The following TFDP2 variants were observed in gnomAD, a reference collection of about 807,000 sequenced individuals.
TFDP2 encodes the protein transcription factor Dp-2, also known as transcription factor Dp-2 (E2F dimerization partner 2).
A neutral mutation model predicts 59.3 loss-of-function variants in TFDP2; 17 were observed. The ratio of observed to expected loss-of-function variants is 0.29; its 90% CI spans 0.20 to 0.43. The LOEUF (loss-of-function observed/expected upper bound fraction) is 0.43. Among genes scored for constraint, TFDP2 ranks in the 20% least tolerant of loss-of-function variants. The pLI is 1.00. For missense variants in TFDP2, 391 were observed against 528.8 expected (o/e 0.74, Z 2.56); for synonymous variants, 180 against 194.7 (o/e 0.92, Z 0.63).
rs369832146 is a variant in TFDP2 at position 142,107,588 on chromosome 3, A to G, written c.-92-5747T>C. On this transcript the variant is annotated intron_variant, in intron 1 of 12. Coordinates refer to ENST00000489671, the MANE Select transcript of TFDP2 (RefSeq NM_001178139.2). ...TGTAACTTTTTCTTACGTGAGCAGCATATCTAGGCATTCTCTCAAGTGCTT... is the reference window on the plus strand; with the variant it reads ...TGTAACTTTTTCTTACGTGAGCAGCGTATCTAGGCATTCTCTCAAGTGCTT... 1.3e-4 allele frequency among the ~76,000 whole-genome samples: 20 copies of G among 152,284 alleles called. No individual in the cohort carries two copies. The East Asian group carries it at 1.3e-3, about 10-fold the overall frequency.
intron 3 of TFDP2, among the ~76,000 whole-genome samples, chr3:142,070,355 T>G (rs1404095284): frequency 6.6e-6 from 1 of 151,676 alleles, no homozygotes; most frequent in Non-Finnish European, 1.5e-5. Context: ...GCTGGCTCAC[T>G]GCAGCCTAAA....
chr3:142,030,334 T>C (rs1946362316), intron 3 of TFDP2, among the ~76,000 whole-genome samples: 1 of 152,208 alleles, frequency 6.6e-6, no homozygotes, highest in Admixed American at 6.5e-5. Context: ...GAGGTCAGTA[T>C]AATATCTGAG....
intron 1 of TFDP2, among the ~76,000 whole-genome samples, chr3:142,114,654 T>C (rs1158581497): frequency 1.3e-5 from 2 of 152,158 alleles, no homozygotes; most frequent in East Asian, 3.9e-4. Flanking sequence ...ACAGGTTTTT[T>C]TTTTCTTTTT....
At chr3:142,030,766 G>A (rs1398213740) in intron 3 of TFDP2, among the ~76,000 whole-genome samples, 8 of 118,212 alleles carry the variant, frequency 6.8e-5, no homozygotes, top group African/African-American at 1.0e-4. Context: ...TTTTTGAGAC[G>A]GAGTCTCGCT....
chr3:141,953,467 G>A (rs1224255995), intron 11 of TFDP2, among the ~76,000 whole-genome samples: 1 of 152,092 alleles, frequency 6.6e-6, no homozygotes, highest in African/African-American at 2.4e-5. Flanking sequence ...ACCCTGCTTA[G>A]AGGGCAGACA....
intron 6 of TFDP2, among the ~76,000 whole-genome samples, chr3:141,986,878 G>A (rs1012711336): frequency 9.2e-5 from 14 of 151,800 alleles, no homozygotes; most frequent in Non-Finnish European, 1.5e-4. Context: ...GTTTTCATTT[G>A]CATTTTTCTA....
At chr3:142,080,268 T>G (rs568649844) in intron 3 of TFDP2, among the ~76,000 whole-genome samples, 48 of 152,274 alleles carry the variant, frequency 3.2e-4, no homozygotes, top group African/African-American at 1.2e-3. Flanking sequence ...TCCAGCCAGT[T>G]ATCATCTGTT....
intron 6 of TFDP2, among the ~76,000 whole-genome samples, chr3:141,990,368 G>A (rs763576277): frequency 2.0e-5 from 3 of 151,956 alleles, no homozygotes; most frequent in Admixed American, 2.0e-4. Flanking sequence ...TCTGCCTCCC[G>A]GGTTCAAGCG....
intron 1 of TFDP2, among the ~76,000 whole-genome samples, chr3:142,148,494 T>G (rs2063255341): frequency 1.3e-5 from 2 of 152,014 alleles, no homozygotes; most frequent in South Asian, 4.2e-4. Flanking sequence ...GTCCATTCAC[T>G]CCCCGAAACA....
intron 7 of TFDP2, among the ~76,000 whole-genome samples, chr3:141,975,138 T>G (rs2108031169): frequency 6.6e-6 from 1 of 152,028 alleles, no homozygotes; most frequent in African/African-American, 2.4e-5. Flanking sequence ...GATCTTGAAC[T>G]CCTGACCTCA....
At chr3:142,032,461 T>C (rs773705351) in intron 3 of TFDP2, among the ~76,000 whole-genome samples, 61 of 152,300 alleles carry the variant, frequency 4.0e-4, no homozygotes, top group South Asian at 8.3e-4. Context: ...AGATCTACAC[T>C]CCCACTCTAG....
At chr3:142,067,223 A>G (rs1030556168) in intron 3 of TFDP2, among the ~76,000 whole-genome samples, 3 of 152,160 alleles carry the variant, frequency 2.0e-5, no homozygotes, top group African/African-American at 7.2e-5. Flanking sequence ...AAATTAAAAT[A>G]CCTCTTACAA....
chr3:142,116,709 G>A (rs1227071711), intron 1 of TFDP2, among the ~76,000 whole-genome samples: 1 of 152,020 alleles, frequency 6.6e-6, no homozygotes, highest in South Asian at 2.1e-4. Context: ...TTATTTTTTG[G>A]TTTTGAGTTT....
At chr3:142,086,746 AT>A (rs1363337081) in intron 3 of TFDP2, among the ~76,000 whole-genome samples, 2 of 152,164 alleles carry the variant, frequency 1.3e-5, no homozygotes, top group Non-Finnish European at 2.9e-5. Context: ...ATGATTAATT[AT>A]TAACTCAATT....
At chr3:142,040,144 T>C (rs1328016890) in intron 3 of TFDP2, among the ~76,000 whole-genome samples, 1 of 151,730 alleles carries the variant, frequency 6.6e-6, no homozygotes, top group Non-Finnish European at 1.5e-5. Flanking sequence ...CACACAGGCA[T>C]GCACATTACC....
intron 3 of TFDP2, among the ~76,000 whole-genome samples, chr3:142,021,889 A>C (rs1433298404): frequency 6.6e-6 from 1 of 152,224 alleles, no homozygotes; most frequent in Non-Finnish European, 1.5e-5. Flanking sequence ...GTGTTCACCC[A>C]AAAACATTTG....
At chr3:142,113,585 T>C (rs2061738441) in intron 1 of TFDP2, among the ~76,000 whole-genome samples, 1 of 152,014 alleles carries the variant, frequency 6.6e-6, no homozygotes, top group Non-Finnish European at 1.5e-5. Context: ...TTATTTGGTA[T>C]TAATATATGT....
intron 3 of TFDP2, among the ~76,000 whole-genome samples, chr3:142,081,283 C>A (rs2060631437): frequency 6.6e-6 from 1 of 151,908 alleles, no homozygotes; most frequent in African/African-American, 2.4e-5. Context: ...GTACTTGAAA[C>A]AAATGATAAA....
In TFDP2 at chr3:141,949,732, G is replaced by A. The variant is rs1935717574; in HGVS notation, c.*2781C>T. The A allele has an allele frequency of 6.6e-6, 1 of 152,102 alleles. No individual in the cohort carries two copies. Among genetic ancestry groups the A allele is most frequent in the African/African-American group, 2.4e-5 (1 of 41,312 alleles). 9.4% of individuals were successfully genotyped at this position (152,102 alleles called of 1,614,324 possible). A position where few individuals can be genotyped will look rare whatever the true frequency, so the allele number is the denominator to read the frequency against. On this transcript the variant is annotated 3_prime_UTR_variant, in exon 13 of 13. Coordinates refer to ENST00000489671, the MANE Select transcript of TFDP2 (RefSeq NM_001178139.2). ...CAGTGTGTGCCAGCAGCCCTGGGAGGAGTGATCTGTGTGTGGCAAGTAACC... is the reference window on the plus strand; with the variant it reads ...CAGTGTGTGCCAGCAGCCCTGGGAGAAGTGATCTGTGTGTGGCAAGTAACC...
Sources: gnomAD v4.1 joint callset for allele counts (sites outside exome capture counted in the v4.1 genomes callset) on GRCh38, gnomAD v4.1.1 for gene constraint, MANE v1.5 for transcripts, NCBI Gene and HGNC (gene_info 2026-07-23, HGNC 2026-07-21) for gene names.